GABRB2: variants seen among roughly 807,000 people sequenced by gnomAD.
The protein encoded by GABRB2 is gamma-aminobutyric acid type A receptor subunit beta2, also known as gamma-aminobutyric acid receptor subunit beta-2.
A neutral mutation model predicts 54.7 loss-of-function variants in GABRB2; 16 were observed. The observed-to-expected ratio is 0.29, with a 90% CI of 0.20 to 0.44. The LOEUF (loss-of-function observed/expected upper bound fraction) is 0.44, where lower values mean the gene tolerates loss of function less well. Among genes scored for constraint, GABRB2 ranks in the 20% least tolerant of loss-of-function variants. GABRB2 has a pLI of 1.00. For missense variants in GABRB2, 355 were observed against 644.0 expected (o/e 0.55, Z 4.86); for synonymous variants, 244 against 233.8 (o/e 1.04, Z -0.40).
intron 5 of GABRB2, among the ~76,000 whole-genome samples, chr5:161,388,891 C>T (rs2113497810): frequency 6.6e-6 from 1 of 151,978 alleles, no homozygotes; most frequent in South Asian, 2.1e-4. Flanking sequence ...ATACAATATC[C>T]ATATAATGTG....
At chr5:161,545,568 G>A (rs1426592347) in intron 2 of GABRB2, among the ~76,000 whole-genome samples, 1 of 151,914 alleles carries the variant, frequency 6.6e-6, no homozygotes, top group African/African-American at 2.4e-5. Context: ...GCATGTGAAT[G>A]CACACAACTC....
intron 4 of GABRB2, among the ~76,000 whole-genome samples, chr5:161,443,562 C>T (rs559537877): frequency 6.6e-6 from 1 of 152,306 alleles, no homozygotes; most frequent in South Asian, 2.1e-4. Context: ...GTTTGAGGTT[C>T]CCCAAATCAG....
At chr5:161,403,903 A>G (rs1448175781) in intron 5 of GABRB2, among the ~76,000 whole-genome samples, 1 of 152,190 alleles carries the variant, frequency 6.6e-6, no homozygotes, top group Non-Finnish European at 1.5e-5. Flanking sequence ...AGAGGGAGAA[A>G]ACAGAGACAT....
intron 3 of GABRB2, among the ~76,000 whole-genome samples, chr5:161,517,039 T>C (rs1455072056): frequency 6.6e-6 from 1 of 152,222 alleles, no homozygotes; most frequent in Non-Finnish European, 1.5e-5. Flanking sequence ...TGCCCTGTTC[T>C]GCTCTGTGAC....
intron 2 of GABRB2, 97 bp from the exon 3 acceptor site, chr5:161,545,391 T>A: frequency 3.2e-6 from 2 of 624,204 alleles, no homozygotes; most frequent in Non-Finnish European, 4.9e-6. Flanking sequence ...CCAAAACCCT[T>A]CTGCACTACT....
chr5:161,406,082 T>C (rs997072141), intron 5 of GABRB2, among the ~76,000 whole-genome samples: 3 of 152,050 alleles, frequency 2.0e-5, no homozygotes, highest in Non-Finnish European at 2.9e-5. Context: ...ATCAATCAAA[T>C]AGGCTTTAGA....
Position 161,298,961 on chromosome 5 carries a change from A to G in GABRB2, c.1192-4533T>C, listed in dbSNP as rs550819678. ...GCAAGAAGGAGAACTGGCTATTTTT[A>G]TGCTTTTTCATACTGAGGCATGGCA... is the stretch of plus-strand genomic sequence containing the variant. On this transcript the variant is annotated intron_variant, in intron 9 of 9. Coordinates refer to ENST00000393959, the MANE Select transcript of GABRB2 (RefSeq NM_001371727.1). 7.9e-5 allele frequency among the ~76,000 whole-genome samples: 12 copies of G among 152,212 alleles called. No homozygotes were observed. In the South Asian group the frequency reaches 2.5e-3, roughly 32 times the overall value.
At chr5:161,351,439 A>G (rs779632010) in intron 5 of GABRB2, among the ~76,000 whole-genome samples, 3 of 152,116 alleles carry the variant, frequency 2.0e-5, no homozygotes, top group Non-Finnish European at 4.4e-5. Flanking sequence ...CCAAGAACAC[A>G]TAATGGGGAA....
intron 5 of GABRB2, among the ~76,000 whole-genome samples, chr5:161,376,057 C>T (rs896964389): frequency 1.3e-5 from 2 of 152,076 alleles, no homozygotes; most frequent in Non-Finnish European, 2.9e-5. Context: ...CCATAATACC[C>T]TCAGGATTTA....
Position 161,322,179 on chromosome 5 carries a change from A to G in GABRB2, c.1191+4189T>C, listed in dbSNP as rs190559428. Among the ~76,000 whole-genome samples the G allele has an allele frequency of 1.6e-3, 241 of 152,286 alleles. 1 individual carries two copies. Among genetic ancestry groups the G allele is most frequent in the African/African-American group, 4.5e-3 (189 of 41,562 alleles). On this transcript the variant is annotated intron_variant, in intron 9 of 9. Transcript: ENST00000393959. The stretch of plus-strand genomic sequence containing the variant: ...ATATGGGGTAATAATAAAAACTGAC[A>G]TAATATATGTAAATTGTCTAAGCAT...
chr5:161,485,950 G>T lies in GABRB2; in HGVS notation c.238-26106C>A, dbSNP rs556177184. The stretch of plus-strand genomic sequence containing the variant: ...AACAAAAAGGAAAGTACAGCCAAAA[G>T]ATGGAAAATGGTTGGTTCTTGATGG... On this transcript the variant is annotated intron_variant, in intron 3 of 9. Transcript: ENST00000393959. 1.5e-3 allele frequency among the ~76,000 whole-genome samples: 229 copies of T among 152,030 alleles called. 1 individual carries two copies. The highest frequency in any genetic ancestry group is 3.4e-3 in the Middle Eastern group (1 of 294).
intron 3 of GABRB2, among the ~76,000 whole-genome samples, chr5:161,525,634 T>C (rs1382504228): frequency 6.6e-6 from 1 of 151,378 alleles, no homozygotes; most frequent in African/African-American, 2.4e-5. Context: ...AATGTATATT[T>C]AGTAAAATAA....
chr5:161,480,001 G>T (rs899812869), intron 3 of GABRB2, among the ~76,000 whole-genome samples: 1 of 152,064 alleles, frequency 6.6e-6, no homozygotes, highest in Non-Finnish European at 1.5e-5. Context: ...TACACACACA[G>T]ACTTCATAAT....
intron 3 of GABRB2, among the ~76,000 whole-genome samples, chr5:161,501,103 C>G (rs935734736): frequency 6.6e-6 from 1 of 151,822 alleles, no homozygotes; most frequent in Non-Finnish European, 1.5e-5. Flanking sequence ...ACTTCCAGCA[C>G]TAGTGTAACA....
intron 4 of GABRB2, among the ~76,000 whole-genome samples, chr5:161,447,196 T>C (rs1322565881): frequency 6.6e-6 from 1 of 152,106 alleles, no homozygotes; most frequent in East Asian, 1.9e-4. Context: ...AACTGAAGCT[T>C]AGAAAGATAG....
intron 9 of GABRB2, among the ~76,000 whole-genome samples, chr5:161,295,718 C>T (rs1277595788): frequency 6.6e-6 from 1 of 152,158 alleles, no homozygotes; most frequent in East Asian, 1.9e-4. Context: ...AAATTCAAAT[C>T]TAAAATCTTT....
rs1012715393 is a variant in GABRB2, at chr5:161,539,979, T to C, written c.237+5248A>G. 5.9e-5 allele frequency among the ~76,000 whole-genome samples: 9 copies of C among 152,212 alleles called. No homozygotes were observed. The South Asian group carries it at 1.0e-3, about 17-fold the overall frequency. ...CTGCTGATAGAATGTCTTGGCTCCA[T>C]GTTAATGGCTGCTGACTGAGCAGGG... On this transcript the variant is annotated intron_variant, in intron 3 of 9. Transcript: ENST00000393959.
intron 6 of GABRB2, among the ~76,000 whole-genome samples, chr5:161,335,401 T>G (rs1753964155): frequency 6.6e-6 from 1 of 152,148 alleles, no homozygotes; most frequent in Non-Finnish European, 1.5e-5. Context: ...CTTCTTTTTT[T>G]TAATAGTTTC....
At chr5:161,304,501 T>C (rs2113351103) in intron 9 of GABRB2, among the ~76,000 whole-genome samples, 1 of 152,324 alleles carries the variant, frequency 6.6e-6, no homozygotes, top group African/African-American at 2.4e-5. Flanking sequence ...GCAACTTCTC[T>C]AGTAACCCTT....
Sources: gnomAD v4.1 joint callset for allele counts (sites outside exome capture counted in the v4.1 genomes callset) on GRCh38, gnomAD v4.1.1 for gene constraint, MANE v1.5 for transcripts, NCBI Gene and HGNC (gene_info 2026-07-23, HGNC 2026-07-21) for gene names.